The following ITPR1 variants were observed in gnomAD, a reference collection of about 807,000 sequenced individuals.
ITPR1 encodes inositol 1,4,5-trisphosphate-gated calcium channel ITPR1.
Under a neutral mutation model 318.4 loss-of-function variants are expected in ITPR1, and 96 were observed. That is an observed-to-expected ratio of 0.30 (90% confidence interval 0.26 to 0.36). The LOEUF (loss-of-function observed/expected upper bound fraction) is 0.36. Among genes scored for constraint, ITPR1 ranks in the 10% least tolerant of loss-of-function variants. ITPR1 has a pLI of 1.00. For synonymous variants in ITPR1, 1,312 were observed against 1,289.9 expected (o/e 1.02, Z -0.37); for missense variants, 2,440 against 3,460.2 (o/e 0.71, Z 7.40).
intron 2 of ITPR1, among the ~76,000 whole-genome samples, chr3:4,511,616 G>A (rs2081832303): frequency 6.6e-6 from 1 of 152,196 alleles, no homozygotes; most frequent in Admixed American, 6.5e-5. Flanking sequence ...TGAACCTTAT[G>A]TCAGCTTGCT....
At chr3:4,563,182 G>C (rs2086856344) in intron 4 of ITPR1, among the ~76,000 whole-genome samples, 1 of 152,110 alleles carries the variant, frequency 6.6e-6, no homozygotes, top group Non-Finnish European at 1.5e-5. Flanking sequence ...GTGTGTCTTG[G>C]CCCATGCACA....
Position 4,706,159 on chromosome 3 carries a change from C to T in ITPR1, c.4658-8C>T. ...TGTAGGCTCACGACTCATCTTTCTC[C>T]TGTGCAGCCAAGAGCCGGGCCATTG... On this transcript the variant is annotated splice_region_variant and splice_polypyrimidine_tract_variant and intron_variant, in intron 36 of 61. Coordinates refer to ENST00000649015, the MANE Select transcript of ITPR1 (RefSeq NM_001378452.1). The T allele has an allele frequency of 1.2e-6, 2 of 1,614,020 alleles. No individual in the cohort carries two copies. Among genetic ancestry groups the T allele is most frequent in the Non-Finnish European group, 1.7e-6 (2 of 1,179,862 alleles).
chr3:4,622,882 C>G (rs567732929), intron 4 of ITPR1, among the ~76,000 whole-genome samples: 35 of 152,252 alleles, frequency 2.3e-4, no homozygotes, highest in African/African-American at 7.9e-4. Flanking sequence ...ATCTTTAGAC[C>G]CTGGGCTACC....
chr3:4,699,567 C>T (rs1420165770), intron 34 of ITPR1, among the ~76,000 whole-genome samples: 7 of 152,266 alleles, frequency 4.6e-5, no homozygotes, highest in South Asian at 2.1e-4. Context: ...AAGCTGCAAG[C>T]GGTGGCCTTG....
intron 16 of ITPR1, 39 bp from the exon 17 acceptor site, chr3:4,665,099 T>G (rs2093918554): frequency 6.2e-7 from 1 of 1,611,990 alleles, no homozygotes; most frequent in Non-Finnish European, 8.5e-7. Flanking sequence ...TTTGAAGCCC[T>G]AAGTGATTGC....
At chr3:4,540,319 T>C (rs2084314231) in intron 4 of ITPR1, among the ~76,000 whole-genome samples, 1 of 152,214 alleles carries the variant, frequency 6.6e-6, no homozygotes, top group African/African-American at 2.4e-5. Flanking sequence ...CAGAATTGTT[T>C]TAGTTAGTAT....
chr3:4,608,958 C>A (rs371268575), intron 4 of ITPR1, among the ~76,000 whole-genome samples: 1 of 139,692 alleles, frequency 7.2e-6, no homozygotes, highest in East Asian at 2.1e-4. Context: ...GCCGAGATCA[C>A]GCACTGCACT....
At chr3:4,608,438 C>G (rs144096677) in intron 4 of ITPR1, among the ~76,000 whole-genome samples, 1 of 152,238 alleles carries the variant, frequency 6.6e-6, no homozygotes, top group Non-Finnish European at 1.5e-5. Context: ...TACACTCACT[C>G]TGTTGTATTC....
At chr3:4,591,884 A>G (rs1251342219) in intron 4 of ITPR1, among the ~76,000 whole-genome samples, 1 of 152,174 alleles carries the variant, frequency 6.6e-6, no homozygotes, top group East Asian at 1.9e-4. Context: ...TGTCAGTTTA[A>G]CAGTCAGATC....
At chr3:4,668,102 G>A (rs2093989290) in intron 18 of ITPR1, among the ~76,000 whole-genome samples, 1 of 151,302 alleles carries the variant, frequency 6.6e-6, no homozygotes, top group Non-Finnish European at 1.5e-5. Context: ...ATTTTAAAAT[G>A]TACAATTAAA....
rs2085201923 is a variant in ITPR1, at chr3:4,548,092, G to C, written c.163+26998G>C. 2.0e-5 allele frequency among the ~76,000 whole-genome samples: 3 copies of C among 152,160 alleles called. No individual in the cohort carries two copies. In the South Asian group the frequency reaches 6.2e-4, roughly 31 times the overall value. On this transcript the variant is annotated intron_variant, in intron 4 of 61. Coordinates refer to ENST00000649015, the MANE Select transcript of ITPR1 (RefSeq NM_001378452.1). ...TGTAGGGTGAGGGAGTCTTTCCCCA[G>C]CTCAGCCCAGGTTTGTTTTTAGTAC... is the stretch of plus-strand genomic sequence containing the variant.
chr3:4,521,149 A>T, intron 4 of ITPR1, 55 bp downstream of exon 4: 1 of 1,236,614 alleles, frequency 8.1e-7, no homozygotes, highest in East Asian at 2.3e-5. Flanking sequence ...AAATTCTTGA[A>T]GTGTGTTGTT....
At chr3:4,506,034 C>T (rs1353225537) in intron 2 of ITPR1, among the ~76,000 whole-genome samples, 1 of 152,170 alleles carries the variant, frequency 6.6e-6, no homozygotes, top group East Asian at 1.9e-4. Flanking sequence ...TCCTCCGTCC[C>T]CCTTTCTCTG....
rs890233558 is a variant in ITPR1, at chr3:4,604,685, C to T, written c.164-23078C>T. Among the ~76,000 whole-genome samples, 9 of 152,134 alleles carry T rather than the reference C, an allele frequency of 5.9e-5. No homozygotes were observed. The East Asian group carries it at 9.7e-4, about 16-fold the overall frequency. On this transcript the variant is annotated intron_variant, in intron 4 of 61. Coordinates refer to ENST00000649015, the MANE Select transcript of ITPR1 (RefSeq NM_001378452.1). ...TCATCTTAGCTGGGAAGGGGCCCTGCGCAGAAGAGAACCTAGGGGTGGAGC... is the reference window on the plus strand; with the variant it reads ...TCATCTTAGCTGGGAAGGGGCCCTGTGCAGAAGAGAACCTAGGGGTGGAGC...
intron 4 of ITPR1, among the ~76,000 whole-genome samples, chr3:4,529,745 T>A (rs930124658): frequency 2.6e-5 from 4 of 152,254 alleles, no homozygotes; most frequent in African/African-American, 9.6e-5. Context: ...TAACCTACTT[T>A]TTATAAATGC....
intron 4 of ITPR1, among the ~76,000 whole-genome samples, chr3:4,552,057 A>C (rs1309045429): frequency 6.6e-6 from 1 of 152,232 alleles, no homozygotes; most frequent in African/African-American, 2.4e-5. Flanking sequence ...TGCTTATCAC[A>C]GTTCTAATGC....
chr3:4,592,304 T>C (rs117143438), intron 4 of ITPR1, among the ~76,000 whole-genome samples: 37 of 152,374 alleles, frequency 2.4e-4, no homozygotes, highest in East Asian at 2.3e-3. Context: ...GTCTCTCTTA[T>C]GCACCTTGTC....
chr3:4,799,014 A>G (rs537810493), intron 53 of ITPR1, among the ~76,000 whole-genome samples: 18 of 152,342 alleles, frequency 1.2e-4, no homozygotes, highest in African/African-American at 4.3e-4. Context: ...TGTGGTGACA[A>G]TTACATGCGG....
At chr3:4,751,470 TAGA>T (rs1423857530) in intron 44 of ITPR1, 18 of 152,130 alleles carry the variant, frequency 1.2e-4, no homozygotes, top group Admixed American at 7.9e-4. Flanking sequence ...CAGAGACACT[TAGA>T]AGATGTGAGT....
Sources: allele counts gnomAD v4.1 joint callset (sites outside exome capture counted in the v4.1 genomes callset), GRCh38; gene constraint gnomAD v4.1.1; transcripts MANE v1.5; gene names NCBI Gene and HGNC (gene_info 2026-07-23, HGNC 2026-07-21).